Variants in CDH12 observed in about 807,000 individuals in gnomAD.
CDH12 encodes the protein cadherin 12, also known as cadherin-12.
In CDH12, 41 loss-of-function variants were observed where a neutral mutation model predicts 74.1. That is an observed-to-expected ratio of 0.55 (90% CI 0.43 to 0.72). CDH12 has a LOEUF of 0.72. Among genes scored for constraint, CDH12 ranks in the 30% least tolerant of loss-of-function variants. The pLI is 0.00. For synonymous variants in CDH12, 399 were observed against 355.0 expected (o/e 1.12, Z -1.39); for missense variants, 945 against 977.2 (o/e 0.97, Z 0.44).
intron 4 of CDH12, among the ~76,000 whole-genome samples, chr5:22,201,418 C>A (rs1354250383): frequency 1.3e-5 from 2 of 152,122 alleles, no homozygotes; most frequent in Admixed American, 6.5e-5. Flanking sequence ...TGAAATAACT[C>A]AGAAACAGAC....
At chr5:22,579,975 A>G (rs1739998930) in intron 1 of CDH12, among the ~76,000 whole-genome samples, 1 of 152,110 alleles carries the variant, frequency 6.6e-6, no homozygotes, top group African/African-American at 2.4e-5. Flanking sequence ...ATGCCTTGCT[A>G]CATGCTCTGG....
chr5:21,856,620 T>C (rs1341673441), intron 6 of CDH12, among the ~76,000 whole-genome samples: 1 of 151,858 alleles, frequency 6.6e-6, no homozygotes, highest in African/African-American at 2.4e-5. Context: ...ATTTTTGTTT[T>C]TAATGTTTAC....
intron 1 of CDH12, among the ~76,000 whole-genome samples, chr5:22,815,334 T>C (rs1270342484): frequency 1.3e-5 from 2 of 152,100 alleles, no homozygotes; most frequent in Non-Finnish European, 2.9e-5. Context: ...GCATGGAAAG[T>C]AGAGATGTAA....
chr5:22,115,638 T>A (rs1580272727), intron 4 of CDH12, among the ~76,000 whole-genome samples: 1 of 152,070 alleles, frequency 6.6e-6, no homozygotes, highest in Non-Finnish European at 1.5e-5. Context: ...TTTGTAGCAA[T>A]ATTTTAGCTT....
chr5:22,078,445 C>A lies in CDH12; in HGVS notation c.231+1G>T. The A allele has an allele frequency of 1.9e-6, 3 of 1,613,186 alleles. No individual in the cohort carries two copies. Among genetic ancestry groups the A allele is most frequent in the Non-Finnish European group, 2.5e-6 (3 of 1,179,284 alleles). Reference sequence around the variant, plus strand: ...GGTTGTCAAAAGAAATACGCCATTACCTTTCCCACATACTGAGGCTCGGAG... The same window carrying A: ...GGTTGTCAAAAGAAATACGCCATTAACTTTCCCACATACTGAGGCTCGGAG... On this transcript the variant is annotated splice_donor_variant, in intron 5 of 14. Transcript: ENST00000382254. LOFTEE classifies it high-confidence loss of function.
chr5:22,660,083 A>G (rs1299365717), intron 1 of CDH12, among the ~76,000 whole-genome samples: 1 of 152,180 alleles, frequency 6.6e-6, no homozygotes, highest in Non-Finnish European at 1.5e-5. Context: ...TTCAAGGAAA[A>G]TAATTAAAAT....
intron 9 of CDH12, among the ~76,000 whole-genome samples, chr5:21,807,524 T>C (rs1325458385): frequency 6.6e-6 from 1 of 152,140 alleles, no homozygotes; most frequent in Admixed American, 6.6e-5. Context: ...AAATGAAATG[T>C]TAAGTGCCAA....
intron 6 of CDH12, among the ~76,000 whole-genome samples, chr5:21,942,253 G>A (rs1755362977): frequency 6.6e-6 from 1 of 151,530 alleles, no homozygotes; most frequent in South Asian, 2.1e-4. Flanking sequence ...TTTACTTGCA[G>A]AACTGTAAGA....
chr5:21,854,590 G>T, intron 7 of CDH12, 81 bp downstream of exon 7: 1 of 1,159,380 alleles, frequency 8.6e-7, no homozygotes, highest in Non-Finnish European at 1.2e-6. Flanking sequence ...ATTAGAATAT[G>T]CAACTCCCCA....
intron 11 of CDH12, among the ~76,000 whole-genome samples, chr5:21,771,667 C>G (rs7719415): frequency 0.081 from 12,375 of 152,054 alleles, 863 homozygotes; most frequent in African/African-American, 0.19. Context: ...AGAATAGATG[C>G]TAAATGTCTC....
At chr5:21,910,553 C>G (rs928149759) in intron 6 of CDH12, among the ~76,000 whole-genome samples, 1 of 152,114 alleles carries the variant, frequency 6.6e-6, no homozygotes, top group Non-Finnish European at 1.5e-5. Context: ...CATGGCGTCC[C>G]TGAATTTGCA....
At chr5:21,901,178 A>C (rs1028634555) in intron 6 of CDH12, among the ~76,000 whole-genome samples, 3 of 152,226 alleles carry the variant, frequency 2.0e-5, no homozygotes, top group Non-Finnish European at 4.4e-5. Flanking sequence ...GTCATGTTCA[A>C]GAAAATTTTG....
intron 1 of CDH12, among the ~76,000 whole-genome samples, chr5:22,687,062 A>G (rs1478251077): frequency 6.6e-6 from 1 of 152,078 alleles, no homozygotes; most frequent in East Asian, 1.9e-4. Context: ...TCGGGAGGCT[A>G]AGGCGCGTGG....
intron 2 of CDH12, among the ~76,000 whole-genome samples, chr5:22,428,965 T>A (rs958645950): frequency 1.2e-4 from 18 of 152,114 alleles, no homozygotes; most frequent in Non-Finnish European, 1.5e-5. Context: ...ACATCACATT[T>A]TTACTGAAAC....
At chr5:22,535,158 CTTTTTTTTTTTTTTTT>C (rs1737781968) in intron 1 of CDH12, among the ~76,000 whole-genome samples, 1 of 75,398 alleles carries the variant, frequency 1.3e-5, no homozygotes. Flanking sequence ...TTTTTTTTTT[CTTTTTTTTTTTTTTTT>C]GAGACGGGGT....
chr5:22,331,013 G>T (rs1318896552), intron 3 of CDH12, among the ~76,000 whole-genome samples: 1 of 152,082 alleles, frequency 6.6e-6, no homozygotes, highest in East Asian at 1.9e-4. Context: ...CGGTAGCCTA[G>T]CAGAACTCCC....
chr5:22,244,756 G>GAA (rs1554023712), intron 3 of CDH12, among the ~76,000 whole-genome samples: 8 of 102,290 alleles, frequency 7.8e-5, no homozygotes, highest in Middle Eastern at 4.8e-3. Flanking sequence ...AAGAAAGAAA[G>GAA]AAAGAAAGAA....
chr5:22,491,748 T>C (rs1746881661), intron 2 of CDH12, among the ~76,000 whole-genome samples: 1 of 152,186 alleles, frequency 6.6e-6, no homozygotes, highest in Admixed American at 6.5e-5. Context: ...TTGGACAAGC[T>C]TGGCTTAAAC....
At chr5:21,788,448 T>G (rs1258419359) in intron 10 of CDH12, among the ~76,000 whole-genome samples, 1 of 151,990 alleles carries the variant, frequency 6.6e-6, no homozygotes, top group Non-Finnish European at 1.5e-5. Flanking sequence ...CATAATGACA[T>G]GGAAAAAAAT....
Sources: allele counts gnomAD v4.1 joint callset (sites outside exome capture counted in the v4.1 genomes callset), GRCh38; gene constraint gnomAD v4.1.1; transcripts MANE v1.5; gene names NCBI Gene and HGNC (gene_info 2026-07-23, HGNC 2026-07-21).